Variants in SPIDR observed in about 807,000 individuals in gnomAD.
The protein encoded by SPIDR is DNA repair-scaffolding protein.
In SPIDR, 93 loss-of-function variants were observed where a neutral mutation model predicts 104.6. The ratio of observed to expected loss-of-function variants is 0.89; its 90% CI spans 0.75 to 1.06. The LOEUF is 1.06. Ranked by LOEUF, SPIDR falls within the 50% of genes least tolerant of loss-of-function variation. The probability of loss-of-function intolerance (pLI) is 0.00; values close to 1 mark genes in which losing one functional copy is unlikely to be tolerated. For missense variants in SPIDR, 1,154 were observed against 1,111.2 expected, an observed-to-expected ratio of 1.04 and a Z score of -0.55; for synonymous variants, 431 against 416.9, an observed-to-expected ratio of 1.03 and a Z score of -0.41.
At position 47,402,627 on chromosome 8, in the gene SPIDR, C is replaced by T. The variant is rs1359202448; in HGVS notation, c.777-5234C>T. 2.6e-5 allele frequency among the ~76,000 whole-genome samples: 4 copies of T among 152,148 alleles called. No individual in the cohort carries two copies. The East Asian group carries it at 5.8e-4, about 22-fold the overall frequency. Reference sequence around the variant, plus strand: ...GAAGAAATGGATAAATTCCAGCACACATACACCCTCACCAGACTAAACCAG... The same window carrying T: ...GAAGAAATGGATAAATTCCAGCACATATACACCCTCACCAGACTAAACCAG... On this transcript the variant is annotated intron_variant, in intron 6 of 19. Transcript: ENST00000297423.
chr8:47,634,035 C>T (rs2067487129), intron 10 of SPIDR, among the ~76,000 whole-genome samples: 1 of 150,644 alleles, frequency 6.6e-6, no homozygotes, highest in South Asian at 2.1e-4. Context: ...ATTGAGGCTG[C>T]AGTGAGCCAA....
intron 7 of SPIDR, among the ~76,000 whole-genome samples, chr8:47,430,907 A>G (rs1221375487): frequency 6.6e-6 from 1 of 152,214 alleles, no homozygotes; most frequent in Non-Finnish European, 1.5e-5. Context: ...AGAAGTTTTC[A>G]AGAAAGAAGA....
rs2086160090 is a variant in SPIDR, at chr8:47,735,500, G to C, written c.*50G>C. 6.2e-7 allele frequency: 1 copy of C among 1,613,498 alleles called. No homozygotes were observed. Among genetic ancestry groups the C allele is most frequent in the East Asian group, 2.2e-5 (1 of 44,748 alleles). ...TTGCAATGTGGCTGCAAGGGTGGTG[G>C]TGGTGGTGGTGATTTGGGGTAGTTA... On this transcript the variant is annotated 3_prime_UTR_variant, in exon 20 of 20. Coordinates refer to ENST00000297423, the MANE Select transcript of SPIDR (RefSeq NM_001080394.4).
chr8:47,628,066 T>C (rs2066475395), intron 10 of SPIDR, among the ~76,000 whole-genome samples: 1 of 152,190 alleles, frequency 6.6e-6, no homozygotes, highest in African/African-American at 2.4e-5. Context: ...TTCCTTAAAA[T>C]GCAGGAACTC....
chr8:47,555,110 T>G (rs1177113911), intron 8 of SPIDR, among the ~76,000 whole-genome samples: 1 of 152,144 alleles, frequency 6.6e-6, no homozygotes, highest in African/African-American at 2.4e-5. Context: ...CTGTCTTCTG[T>G]CTCTGTTTTG....
At chr8:47,328,510 C>T (rs1194182346) in intron 5 of SPIDR, among the ~76,000 whole-genome samples, 4 of 152,010 alleles carry the variant, frequency 2.6e-5, no homozygotes, top group Non-Finnish European at 5.9e-5. Flanking sequence ...CCTAAGCCTC[C>T]CAAAGTGTTG....
chr8:47,589,223 T>C (rs940705998), intron 8 of SPIDR, among the ~76,000 whole-genome samples: 1 of 152,024 alleles, frequency 6.6e-6, no homozygotes, highest in African/African-American at 2.4e-5. Context: ...TTTGGGAGTT[T>C]TAAAATTACA....
intron 8 of SPIDR, among the ~76,000 whole-genome samples, chr8:47,446,688 GTGATTCTCC>G (rs1489224213): frequency 2.0e-5 from 3 of 151,738 alleles, no homozygotes; most frequent in African/African-American, 7.3e-5. Context: ...CCAGGTTCAA[GTGATTCTCC>G]TGCCTCAGCC....
At chr8:47,723,982 T>C (rs1473731172) in intron 16 of SPIDR, among the ~76,000 whole-genome samples, 1 of 151,554 alleles carries the variant, frequency 6.6e-6, no homozygotes, top group Admixed American at 6.6e-5. Context: ...TATTATCTTT[T>C]CTATCAATTT....
At chr8:47,547,623 CA>C (rs1383402358) in intron 8 of SPIDR, 1 of 165,134 alleles carries the variant, frequency 6.1e-6, no homozygotes, top group Admixed American at 6.3e-5. Flanking sequence ...GGTAGAGACA[CA>C]GTTTCACCAT....
intron 11 of SPIDR, among the ~76,000 whole-genome samples, chr8:47,690,302 C>T (rs937455132): frequency 2.6e-5 from 4 of 151,958 alleles, no homozygotes; most frequent in Admixed American, 6.6e-5. Context: ...CGTGCACGTG[C>T]GCCTGTGTGT....
intron 5 of SPIDR, among the ~76,000 whole-genome samples, chr8:47,386,896 GAGAGAGAGATAT>G (rs1453944454): frequency 1.3e-5 from 1 of 75,012 alleles, no homozygotes; most frequent in African/African-American, 4.7e-5. Flanking sequence ...GAGAGAAAGA[GAGAGAGAGATAT>G]AGATATAGAT....
intron 10 of SPIDR, among the ~76,000 whole-genome samples, chr8:47,651,641 C>T (rs943155247): frequency 6.6e-6 from 1 of 152,084 alleles, no homozygotes; most frequent in Admixed American, 6.5e-5. Context: ...AAAAAAGACA[C>T]CTATACACAT....
intron 7 of SPIDR, among the ~76,000 whole-genome samples, chr8:47,410,111 G>A (rs1389409419): frequency 6.6e-6 from 1 of 151,910 alleles, no homozygotes; most frequent in Non-Finnish European, 1.5e-5. Flanking sequence ...ACTATAATAT[G>A]AAATACATAT....
chr8:47,681,028 G>A (rs1392834530), intron 11 of SPIDR, among the ~76,000 whole-genome samples: 3 of 152,178 alleles, frequency 2.0e-5, no homozygotes, highest in Admixed American at 1.3e-4. Flanking sequence ...ACGCCATTGC[G>A]CTCCAGCCTG....
intron 8 of SPIDR, among the ~76,000 whole-genome samples, chr8:47,489,911 C>T (rs989528132): frequency 6.6e-6 from 1 of 151,950 alleles, no homozygotes; most frequent in Non-Finnish European, 1.5e-5. Context: ...AGAAGAAAAC[C>T]TAGGCAATAC....
chr8:47,474,439 C>T (rs529223969), intron 8 of SPIDR, among the ~76,000 whole-genome samples: 16 of 152,238 alleles, frequency 1.1e-4, no homozygotes, highest in African/African-American at 3.9e-4. Context: ...TGTGGGAATG[C>T]CAGTGCCTAT....
chr8:47,467,880 TA>T (rs1425435133), intron 8 of SPIDR, among the ~76,000 whole-genome samples: 1 of 152,056 alleles, frequency 6.6e-6, no homozygotes, highest in East Asian at 1.9e-4. Flanking sequence ...TAGAAATAAA[TA>T]AAAGGCATCT....
intron 5 of SPIDR, among the ~76,000 whole-genome samples, chr8:47,369,989 T>TC (rs1398929477): frequency 1.3e-5 from 2 of 148,814 alleles, no homozygotes; most frequent in East Asian, 1.9e-4. Flanking sequence ...AGAAATCTCT[T>TC]TTTTTTTTTT....
Sources: gnomAD v4.1 joint callset for allele counts (sites outside exome capture counted in the v4.1 genomes callset) on GRCh38, gnomAD v4.1.1 for gene constraint, MANE v1.5 for transcripts, NCBI Gene and HGNC (gene_info 2026-07-23, HGNC 2026-07-21) for gene names.